Variants in LAS1L observed in about 807,000 individuals in gnomAD.
The protein encoded by LAS1L is LAS1 like ribosome biogenesis factor.
Under a neutral mutation model 57.3 loss-of-function variants are expected in LAS1L, and 5 were observed. The ratio of observed to expected loss-of-function variants is 0.09; its 90% CI spans 0.05 to 0.18. The LOEUF is 0.18. LAS1L is among the 10% of genes least tolerant of loss of function. LAS1L has a pLI of 1.00. For synonymous variants in LAS1L, 245 were observed against 231.7 expected (o/e 1.06, Z -0.52); for missense variants, 360 against 568.3 (o/e 0.63, Z 3.73).
At chrX:65,534,401 G>A (rs1439285989) in intron 1 of LAS1L, 79 bp downstream of exon 1, 2 of 776,267 alleles carry the variant, frequency 2.6e-6, no homozygotes, top group Non-Finnish European at 1.9e-6. Flanking sequence ...CTGGAGAACA[G>A]GGCCTTATAG....
chrX:65,512,951 T>C, intron 13 of LAS1L, 50 bp from the exon 14 acceptor site: 1 of 1,121,770 alleles, frequency 8.9e-7, no homozygotes, highest in Non-Finnish European at 1.2e-6. Context: ...CTTTAGGCTC[T>C]GGAGGGGCCA....
rs1442799564 is a variant in LAS1L at position 65,530,182 on chromosome X, G to A, written c.515-304C>T. ...ATCAGCCCCATTAGCTAGTTACATG[G>A]CCTTGGCCAAGTCTCCCCTTTTCTA... On this transcript the variant is annotated intron_variant, in intron 4 of 13. Coordinates refer to ENST00000374811, the MANE Select transcript of LAS1L (RefSeq NM_031206.7). Among the ~76,000 whole-genome samples the A allele has an allele frequency of 2.7e-5, 3 of 112,856 alleles. No individual in the cohort carries two copies. The Admixed American group carries it at 2.8e-4, about 11-fold the overall frequency.
chrX:65,527,065 A>T (rs1422598826), intron 7 of LAS1L, among the ~76,000 whole-genome samples: 1 of 106,048 alleles, frequency 9.4e-6, no homozygotes, highest in Non-Finnish European at 1.9e-5. Context: ...TACAAAAATT[A>T]GCCAGGTGTG....
chrX:65,524,545 A>G lies in LAS1L; in HGVS notation c.1093+19T>C, dbSNP rs2069027739. 1.9e-6 allele frequency: 1 copy of G among 522,441 alleles called. No individual in the cohort carries two copies. Among genetic ancestry groups the G allele is most frequent in the Admixed American group, 2.7e-5 (1 of 36,960 alleles). The allele number at this position is 522,441 out of a possible 1,213,427, so 43.1% of individuals were successfully genotyped here. A position where few individuals can be genotyped will look rare whatever the true frequency, so the allele number is the denominator to read the frequency against. On this transcript the variant is annotated intron_variant, in intron 9 of 13. Transcript: ENST00000374811. ...AAAACAGAGATCTGGTTCTAGCTTC[A>G]GCTTTGTCAATAACTCACTGTGTGA...
At chrX:65,526,468 G>T (rs999850891) in intron 7 of LAS1L, among the ~76,000 whole-genome samples, 1 of 111,668 alleles carries the variant, frequency 9.0e-6, no homozygotes, top group African/African-American at 3.3e-5. Flanking sequence ...GTAGAGCCAA[G>T]AAACCTAGGC....
chrX:65,519,025 G>T (rs763479701), intron 11 of LAS1L: 1 of 700,958 alleles, frequency 1.4e-6, no homozygotes, highest in South Asian at 7.4e-5. Flanking sequence ...AAAAAGCAGC[G>T]GCTGACAAGA....
chrX:65,529,072 CT>C (rs1435877130), intron 6 of LAS1L, 139 bp downstream of exon 6: 2 of 544,234 alleles, frequency 3.7e-6, no homozygotes, highest in South Asian at 2.5e-5. Flanking sequence ...TAGTTCCCCC[CT>C]CTCTCTTTCC....
rs754256896 is a variant in LAS1L at position 65,527,308 on chromosome X, G to A, written c.956+952C>T. Among the ~76,000 whole-genome samples, 29 of 103,925 alleles carry A rather than the reference G, an allele frequency of 2.8e-4. No homozygotes were observed. Among genetic ancestry groups the A allele is most frequent in the South Asian group, 1.9e-3 (4 of 2,139 alleles). The allele number at this position is 103,925 out of a possible 115,157, so 90.2% of individuals were successfully genotyped here. A position where few individuals can be genotyped will look rare whatever the true frequency, so the allele number is the denominator to read the frequency against. ...CCCAGCACTTTGGGAGGCCAAGGCAGGACAATCTCTTGAATCCCAAAACTT... is the reference window on the plus strand; with the variant it reads ...CCCAGCACTTTGGGAGGCCAAGGCAAGACAATCTCTTGAATCCCAAAACTT... On this transcript the variant is annotated intron_variant, in intron 7 of 13. Transcript: ENST00000374811.
At chrX:65,513,544 G>A (rs972169051) in intron 13 of LAS1L, among the ~76,000 whole-genome samples, 2 of 112,207 alleles carry the variant, frequency 1.8e-5, no homozygotes, top group African/African-American at 6.5e-5. Flanking sequence ...GAACCCTTAC[G>A]GATAATCTAG....
At chrX:65,516,422 C>T (rs192837094) in intron 12 of LAS1L, among the ~76,000 whole-genome samples, 3 of 110,869 alleles carry the variant, frequency 2.7e-5, no homozygotes, top group East Asian at 2.8e-4. Context: ...TCCCCAGTGA[C>T]GGCGTGAACA....
rs1303218511 is a variant in LAS1L, at chrX:65,524,574, T to C, written c.1083A>G (p.Pro361=). ...TEVQRGEGTD[P]KSHKNVDLND... ...TTGTCAATAACTCACTGTGTGACTT[T>C]GGGTCAGTACCTTCCCCTCTCTGGA... is the stretch of plus-strand genomic sequence containing the variant. Residue 361 remains proline, a synonymous_variant, in exon 9 of 14, where the codon CCA becomes CCG. Transcript: ENST00000374811. 1 of 527,151 alleles carries C rather than the reference T, an allele frequency of 1.9e-6. No individual in the cohort carries two copies. The highest frequency in any genetic ancestry group is 3.5e-6 in the Non-Finnish European group (1 of 287,049). The allele number at this position is 527,151 out of a possible 1,213,427, so 43.4% of individuals were successfully genotyped here.
intron 11 of LAS1L, chrX:65,522,786 G>A (rs2068920680): frequency 8.9e-6 from 1 of 112,356 alleles, no homozygotes; most frequent in African/African-American, 3.3e-5. Flanking sequence ...AGGTGGAATA[G>A]CTCCGAATGA....
chrX:65,527,752 G>T (rs1602633225), intron 7 of LAS1L, among the ~76,000 whole-genome samples: 2 of 108,225 alleles, frequency 1.8e-5, no homozygotes, highest in East Asian at 5.8e-4. Flanking sequence ...AGAATCACTT[G>T]AACCCGGGAG....
intron 7 of LAS1L, among the ~76,000 whole-genome samples, chrX:65,525,747 T>TAAAAAAAAAAAAAAAA (rs2069097345): frequency 1.7e-5 from 1 of 57,360 alleles, no homozygotes; most frequent in African/African-American, 5.1e-4. Context: ...GTCTGATTTT[T>TAAAAAAAAAAAAAAAA]CAAAAAAAAA....
In LAS1L at chrX:65,518,440, G is replaced by A. The variant is rs1210305292; in HGVS notation, c.1474C>T (p.Leu492=). ...AGCTTCTCCTGCTCCTCGTCTGGCAGGCCCTGCCCCATGGCTTTGAAGATG... is the reference window on the plus strand; with the variant it reads ...AGCTTCTCCTGCTCCTCGTCTGGCAAGCCCTGCCCCATGGCTTTGAAGATG... The part of the protein sequence containing the change: ...RIIFKAMGQG[L]PDEEQEKLLR... Residue 492 remains leucine (L), a synonymous_variant, in exon 12 of 14, where the codon CTG becomes TTG. Transcript: ENST00000374811. 9 of 1,203,930 alleles carry A rather than the reference G, an allele frequency of 7.5e-6. No individual in the cohort carries two copies. The highest frequency in any genetic ancestry group is 3.5e-5 in the African/African-American group (2 of 57,326).
chrX:65,514,534 G>GCACACACACACACACACA (rs56718186), intron 13 of LAS1L, among the ~76,000 whole-genome samples: 3 of 88,835 alleles, frequency 3.4e-5, no homozygotes, highest in African/African-American at 1.3e-4. Context: ...GTGTGTGCCT[G>GCACACACACACACACACA]CACACACACA....
At position 65,529,239 on chromosome X, in the gene LAS1L, C is replaced by T. The variant is rs2069339163; in HGVS notation, c.819G>A (p.Leu273=). ...KELYERAREL[L]VSYEEEQFTV... ...TAAACTGCTCCTCTTCGTATGATAC[C>T]AGCAGTTCTCGGGCTCTTTCTGAAA... Residue 273 remains leucine, a synonymous_variant, in exon 6 of 14, where the codon CTG becomes CTA. Coordinates refer to ENST00000374811, the MANE Select transcript of LAS1L (RefSeq NM_031206.7). 1 of 1,207,861 alleles carries T rather than the reference C, an allele frequency of 8.3e-7. No homozygotes were observed. Among genetic ancestry groups the T allele is most frequent in the Non-Finnish European group, 1.1e-6 (1 of 893,552 alleles).
At chrX:65,534,363 G>T (rs1053764799) in intron 1 of LAS1L, 117 bp downstream of exon 1, 3 of 536,009 alleles carry the variant, frequency 5.6e-6, no homozygotes, top group Admixed American at 7.6e-5. Context: ...TTTGGGAGAG[G>T]GACAACTTTA....
chrX:65,533,538 T>G (rs1250029524), intron 2 of LAS1L, 72 bp downstream of exon 2: 51 of 1,104,027 alleles, frequency 4.6e-5, no homozygotes, highest in Admixed American at 7.0e-5. Context: ...AAGCCAAGTT[T>G]TGCTTATCAC....
Sources: gnomAD v4.1 joint callset for allele counts (sites outside exome capture counted in the v4.1 genomes callset) on GRCh38, gnomAD v4.1.1 for gene constraint, MANE v1.5 for transcripts, NCBI Gene and HGNC (gene_info 2026-07-23, HGNC 2026-07-21) for gene names.